Variants in PRRC1 observed in about 807,000 individuals in gnomAD.
PRRC1 encodes protein PRRC1.
In PRRC1, 39 loss-of-function variants were observed where a neutral mutation model predicts 40.7. The observed-to-expected ratio is 0.96, with a 90% confidence interval of 0.74 to 1.25. The LOEUF (loss-of-function observed/expected upper bound fraction) is 1.25. Among genes scored for constraint, PRRC1 ranks in the 50% most tolerant of loss-of-function variants. The probability of loss-of-function intolerance (pLI) is 0.00; values close to 1 mark genes in which losing one functional copy is unlikely to be tolerated. For missense variants in PRRC1, 573 were observed against 548.3 expected, an observed-to-expected ratio of 1.05 and a Z score of -0.45; for synonymous variants, 175 against 193.3, an observed-to-expected ratio of 0.91 and a Z score of 0.79.
intron 1 of PRRC1, among the ~76,000 whole-genome samples, chr5:127,520,584 G>A (rs71587937): frequency 3.3e-4 from 51 of 152,284 alleles, no homozygotes; most frequent in Non-Finnish European, 5.4e-4. Context: ...TGTATGATTC[G>A]ATTTATGTAA....
chr5:127,551,343 C>T (rs1006390600), intron 8 of PRRC1: 3 of 226,082 alleles, frequency 1.3e-5, no homozygotes, highest in Admixed American at 5.2e-5. Context: ...GGATTTAAGC[C>T]TTAATTTTCA....
chr5:127,523,879 C>G (rs1026452283), intron 2 of PRRC1: 12 of 227,246 alleles, frequency 5.3e-5, no homozygotes, highest in African/African-American at 2.7e-4. Flanking sequence ...GTCTTCTGTT[C>G]TTTTTCTTTT....
At chr5:127,522,296 C>G (rs1445192304) in intron 1 of PRRC1, among the ~76,000 whole-genome samples, 1 of 152,178 alleles carries the variant, frequency 6.6e-6, no homozygotes, top group African/African-American at 2.4e-5. Context: ...GTTAACTTTT[C>G]TAAAACCTCA....
At position 127,539,727 on chromosome 5, in the gene PRRC1, ATTTG is replaced by A. The variant is rs538330784; in HGVS notation, c.1025+591_1025+594del. Among the ~76,000 whole-genome samples, 195 of 151,878 alleles carry A rather than the reference ATTTG, an allele frequency of 1.3e-3. 3 individuals carry two copies. Among genetic ancestry groups the A allele is most frequent in the Admixed American group, 3.8e-3 (58 of 15,252 alleles). ...TATGGTTTTGTTGTTTTTATTTTTT[ATTTG>A]TTTGTTCAGTGTTGAATAACAATGG... On this transcript the variant is annotated intron_variant, in intron 7 of 8. Transcript: ENST00000296666.
intron 7 of PRRC1, 42 bp from the exon 8 acceptor site, chr5:127,547,777 A>T: frequency 7.5e-7 from 1 of 1,333,288 alleles, no homozygotes; most frequent in Non-Finnish European, 1.1e-6. Flanking sequence ...GATAAGTTTT[A>T]TTTGGCATAT....
At chr5:127,534,339 A>G (rs1319907205) in intron 6 of PRRC1, among the ~76,000 whole-genome samples, 10 of 152,220 alleles carry the variant, frequency 6.6e-5, no homozygotes, top group African/African-American at 2.4e-4. Flanking sequence ...TCTATAACTT[A>G]ATGACCTATT....
At chr5:127,521,136 G>T (rs149490175) in intron 1 of PRRC1, among the ~76,000 whole-genome samples, 1 of 152,216 alleles carries the variant, frequency 6.6e-6, no homozygotes, top group East Asian at 1.9e-4. Flanking sequence ...AGTATGTTCA[G>T]CTCCCCTGTT....
At chr5:127,522,430 G>C (rs40399) in intron 1 of PRRC1, among the ~76,000 whole-genome samples, 48,435 of 152,064 alleles carry the variant, frequency 0.32, 7,986 homozygotes, top group East Asian at 0.55. Context: ...CTGCTTTGTT[G>C]CCCAGGCTGG....
chr5:127,554,464 A>AATT lies in PRRC1; in HGVS notation c.*2550_*2552dup, dbSNP rs1438542693. On this transcript the variant is annotated 3_prime_UTR_variant, in exon 9 of 9. Coordinates refer to ENST00000296666, the MANE Select transcript of PRRC1 (RefSeq NM_130809.5). ...TTTTATAAGCTTGTACACAATATTT[A>AATT]ATTAGTGTGAAAGGAAACAAAGAAT... 1 of 151,716 alleles carries AATT rather than the reference A, an allele frequency of 6.6e-6. No individual in the cohort carries two copies. Among genetic ancestry groups the AATT allele is most frequent in the Admixed American group, 6.6e-5 (1 of 15,160 alleles). The allele number at this position is 151,716 out of a possible 1,614,324, so 9.4% of individuals were successfully genotyped here. A position where few individuals can be genotyped will look rare whatever the true frequency, so the allele number is the denominator to read the frequency against.
At chr5:127,550,255 T>TAA (rs1768341800) in intron 8 of PRRC1, 1 of 152,176 alleles carries the variant, frequency 6.6e-6, no homozygotes, top group African/African-American at 2.4e-5. Context: ...ATTTAGAAGA[T>TAA]ACAAAACTGT....
chr5:127,550,295 A>G (rs1421597058), intron 8 of PRRC1: 1 of 152,126 alleles, frequency 6.6e-6, no homozygotes, highest in Non-Finnish European at 1.5e-5. Flanking sequence ...TTTTATCCTC[A>G]GCTATTCAGC....
chr5:127,551,956 T>G lies in PRRC1; in HGVS notation c.*40T>G. The G allele has an allele frequency of 5.6e-6, 9 of 1,611,422 alleles. No homozygotes were observed. Among genetic ancestry groups the G allele is most frequent in the Non-Finnish European group, 7.6e-6 (9 of 1,178,368 alleles). ...GGGAGACTGAGACTTTCCCCCACTT[T>G]TAGCTTGATGTTAAAGAAGTGGTTG... On this transcript the variant is annotated 3_prime_UTR_variant, in exon 9 of 9. Transcript: ENST00000296666.
At chr5:127,541,462 C>T (rs1768043344) in intron 7 of PRRC1, among the ~76,000 whole-genome samples, 2 of 151,736 alleles carry the variant, frequency 1.3e-5, no homozygotes, top group African/African-American at 4.8e-5. Flanking sequence ...CCAGTTCCTC[C>T]TTGTACCTCT....
chr5:127,532,474 A>C (rs1767802156), intron 5 of PRRC1, among the ~76,000 whole-genome samples: 2 of 152,216 alleles, frequency 1.3e-5, no homozygotes, highest in South Asian at 2.1e-4. Context: ...TGTGTCAAGA[A>C]ACTCAAAAAG....
At position 127,531,605 on chromosome 5, in the gene PRRC1, A is replaced by ATTC. The variant is rs1284123522; in HGVS notation, c.757+1221_757+1223dup. 1.9e-3 allele frequency among the ~76,000 whole-genome samples: 224 copies of ATTC among 117,602 alleles called. 19 individuals are homozygous for ATTC. The highest frequency in any genetic ancestry group is 7.5e-3 in the African/African-American group (215 of 28,516). The allele number at this position is 117,602 out of a possible 152,430, so 77.2% of individuals were successfully genotyped here. On this transcript the variant is annotated intron_variant, in intron 5 of 8. Transcript: ENST00000296666. ...ACCCTATGAGGTGCCAGGTGTTTTT[A>ATTC]TTCTTCTTCTTCTTTTTTTTTTTTT...
chr5:127,535,596 A>G (rs1767878960), intron 6 of PRRC1, among the ~76,000 whole-genome samples: 1 of 152,136 alleles, frequency 6.6e-6, no homozygotes, highest in Non-Finnish European at 1.5e-5. Flanking sequence ...CACAAAACTA[A>G]TAGGATCGAT....
chr5:127,528,878 T>G (rs1222304904), intron 4 of PRRC1, among the ~76,000 whole-genome samples: 1 of 152,206 alleles, frequency 6.6e-6, no homozygotes, highest in Non-Finnish European at 1.5e-5. Flanking sequence ...TAAGAAATTG[T>G]GTGTTAAAAT....
In PRRC1 at chr5:127,551,729, A is replaced by T. The variant is rs1768389436; in HGVS notation, c.1151A>T (p.Asp384Val). The T allele has an allele frequency of 1.9e-6, 3 of 1,614,084 alleles. No individual in the cohort carries two copies. Among genetic ancestry groups the T allele is most frequent in the Non-Finnish European group, 2.5e-6 (3 of 1,179,984 alleles). Residue 384 changes from aspartate (D) to valine (V), a missense_variant, in exon 9 of 9, where the codon GAC (aspartate) becomes GTC (valine). Transcript: ENST00000296666. ...VQQAQSLTPQ[D>V]YNLRWSGLLV... ...CAGGCTCAAAGTCTAACTCCCCAGGACTATAATCTGAGGTGGTCAGGCCTT... is the reference window on the plus strand; with the variant it reads ...CAGGCTCAAAGTCTAACTCCCCAGGTCTATAATCTGAGGTGGTCAGGCCTT...
At chr5:127,545,012 C>T (rs544757760) in intron 7 of PRRC1, among the ~76,000 whole-genome samples, 8 of 152,354 alleles carry the variant, frequency 5.3e-5, no homozygotes, top group Admixed American at 1.3e-4. Flanking sequence ...TGTTCCTATT[C>T]GGCCATCTTG....
Sources: gnomAD v4.1 joint callset for allele counts (sites outside exome capture counted in the v4.1 genomes callset) on GRCh38, gnomAD v4.1.1 for gene constraint, MANE v1.5 for transcripts, NCBI Gene and HGNC (gene_info 2026-07-23, HGNC 2026-07-21) for gene names.